RGS7: variants seen among roughly 807,000 people sequenced by gnomAD.
The protein encoded by RGS7 is regulator of G protein signaling 7.
In RGS7, 27 loss-of-function variants were observed where a neutral mutation model predicts 81.1. The ratio of observed to expected loss-of-function variants is 0.33; its 90% CI spans 0.25 to 0.46. The LOEUF is 0.46. Among genes scored for constraint, RGS7 ranks in the 20% least tolerant of loss-of-function variants. RGS7 has a pLI of 1.00. For synonymous variants in RGS7, 208 were observed against 207.7 expected, an observed-to-expected ratio of 1.00 and a Z score of -0.01; for missense variants, 396 against 607.4, an observed-to-expected ratio of 0.65 and a Z score of 3.66.
At chr1:240,823,127 G>T in intron 10 of RGS7, 1 of 1,154,272 alleles carries the variant, frequency 8.7e-7, no homozygotes, top group Admixed American at 1.7e-5. Context: ...TCTGGTCTGA[G>T]GTAGCCAACA....
intron 2 of RGS7, among the ~76,000 whole-genome samples, chr1:241,111,806 CTGAA>C (rs1411723840): frequency 1.3e-5 from 2 of 152,156 alleles, no homozygotes; most frequent in African/African-American, 4.8e-5. Context: ...GGAAATAAGA[CTGAA>C]TGTGCACTGT....
intron 2 of RGS7, among the ~76,000 whole-genome samples, chr1:241,299,820 TAAA>T (rs10716646): frequency 2.8e-5 from 4 of 143,324 alleles, no homozygotes; most frequent in Non-Finnish European, 1.5e-5. Context: ...ATTAGGCCTT[TAAA>T]AAAAAAAAAA....
At chr1:241,035,704 T>G (rs562361201) in intron 3 of RGS7, among the ~76,000 whole-genome samples, 1 of 152,234 alleles carries the variant, frequency 6.6e-6, no homozygotes, top group East Asian at 1.9e-4. Context: ...CTATCACCAT[T>G]ATCTCCAGCA....
At chr1:241,249,778 G>T (rs1487876175) in intron 2 of RGS7, among the ~76,000 whole-genome samples, 1 of 152,078 alleles carries the variant, frequency 6.6e-6, no homozygotes, top group African/African-American at 2.4e-5. Flanking sequence ...TATACACAAG[G>T]ATGCTTCTAG....
rs894155216 is a variant in RGS7 at position 241,182,191 on chromosome 1, G to A, written c.79-83429C>T. 3.3e-5 allele frequency among the ~76,000 whole-genome samples: 5 copies of A among 152,220 alleles called. No homozygotes were observed. In the South Asian group the frequency reaches 6.2e-4, roughly 19 times the overall value. On this transcript the variant is annotated intron_variant, in intron 2 of 18. Coordinates refer to ENST00000440928, the MANE Select transcript of RGS7 (RefSeq NM_001364886.1). ...AACTGGATCCCTGCCATCACCATGCGCAATAGGCACAGCTCAGCTACTGTC... is the reference window on the plus strand; with the variant it reads ...AACTGGATCCCTGCCATCACCATGCACAATAGGCACAGCTCAGCTACTGTC...
intron 3 of RGS7, among the ~76,000 whole-genome samples, chr1:241,046,762 C>T (rs2060951123): frequency 6.6e-6 from 1 of 152,088 alleles, no homozygotes; most frequent in Non-Finnish European, 1.5e-5. Context: ...AATTTGAATG[C>T]CATATATATC....
intron 2 of RGS7, among the ~76,000 whole-genome samples, chr1:241,209,458 T>C (rs1441906502): frequency 6.6e-6 from 1 of 152,212 alleles, no homozygotes; most frequent in Non-Finnish European, 1.5e-5. Context: ...TTACCATTAA[T>C]AATAGTAATT....
intron 2 of RGS7, among the ~76,000 whole-genome samples, chr1:241,201,270 T>C (rs1016560233): frequency 1.3e-5 from 2 of 152,234 alleles, no homozygotes; most frequent in African/African-American, 4.8e-5. Context: ...ATCTAATTTC[T>C]GCAATGCATC....
chr1:241,339,611 G>T (rs1332388062), intron 2 of RGS7, among the ~76,000 whole-genome samples: 4 of 152,170 alleles, frequency 2.6e-5, no homozygotes, highest in Admixed American at 2.6e-4. Context: ...CAGGTATGGT[G>T]ACCCTGTAAT....
At chr1:241,011,808 C>G (rs1251152620) in intron 3 of RGS7, among the ~76,000 whole-genome samples, 1 of 152,058 alleles carries the variant, frequency 6.6e-6, no homozygotes, top group Non-Finnish European at 1.5e-5. Context: ...GAAAATTAAT[C>G]CTATATCACA....
intron 2 of RGS7, among the ~76,000 whole-genome samples, chr1:241,255,616 T>C (rs12065665): frequency 0.54 from 81,630 of 152,038 alleles, 22,623 homozygotes; most frequent in East Asian, 0.78. Flanking sequence ...ACCATCCTGG[T>C]TGAAGCAGAC....
chr1:241,329,468 A>G lies in RGS7; in HGVS notation c.78+26231T>C, dbSNP rs186093882. Among the ~76,000 whole-genome samples the G allele has an allele frequency of 1.6e-3, 238 of 152,302 alleles. 13 individuals carry two copies. In the South Asian group the frequency reaches 0.043, roughly 28 times the overall value. ...GCCTGGGAGTCTTCAGAGATGGGATACCCATCACTAATATTAATATTGATG... is the reference window on the plus strand; with the variant it reads ...GCCTGGGAGTCTTCAGAGATGGGATGCCCATCACTAATATTAATATTGATG... On this transcript the variant is annotated intron_variant, in intron 2 of 18. Transcript: ENST00000440928.
At chr1:241,058,965 A>C (rs966133195) in intron 3 of RGS7, among the ~76,000 whole-genome samples, 3 of 152,276 alleles carry the variant, frequency 2.0e-5, no homozygotes, top group Admixed American at 2.0e-4. Context: ...GATGCCACTG[A>C]ATCTCTGCTT....
At chr1:241,250,004 ATGT>A (rs1463781813) in intron 2 of RGS7, among the ~76,000 whole-genome samples, 5 of 152,182 alleles carry the variant, frequency 3.3e-5, no homozygotes, top group Admixed American at 3.3e-4. Context: ...AACCAATCAC[ATGT>A]TGTTTGAGAA....
At chr1:241,142,556 A>G (rs1217855152) in intron 2 of RGS7, among the ~76,000 whole-genome samples, 2 of 152,196 alleles carry the variant, frequency 1.3e-5, no homozygotes, top group East Asian at 3.9e-4. Flanking sequence ...ACTGAGCTCT[A>G]CGTTGACCCC....
rs150671985 is a variant in RGS7, at chr1:240,955,721, T to C, written c.227-19015A>G. Among the ~76,000 whole-genome samples the C allele has an allele frequency of 3.7e-3, 566 of 152,272 alleles. 4 individuals carry two copies. The highest frequency in any genetic ancestry group is 0.012 in the African/African-American group (498 of 41,548). On this transcript the variant is annotated intron_variant, in intron 4 of 18. Coordinates refer to ENST00000440928, the MANE Select transcript of RGS7 (RefSeq NM_001364886.1). ...TCCAGGTATAGACCCACAGAGTCAA[T>C]TGATTTTAGACAAAGGAGCAGAAAC...
intron 2 of RGS7, among the ~76,000 whole-genome samples, chr1:241,177,644 C>T (rs942264217): frequency 1.2e-4 from 19 of 152,154 alleles, no homozygotes; most frequent in Non-Finnish European, 1.6e-4. Flanking sequence ...TTGGGTACTG[C>T]AGAAGTTTAG....
chr1:241,350,814 C>T (rs528084036), intron 2 of RGS7, among the ~76,000 whole-genome samples: 1 of 150,526 alleles, frequency 6.6e-6, no homozygotes, highest in Non-Finnish European at 1.5e-5. Flanking sequence ...GAAACATCGA[C>T]ACCCTCAGCG....
chr1:241,318,381 A>G (rs2081010775), intron 2 of RGS7, among the ~76,000 whole-genome samples: 3 of 152,172 alleles, frequency 2.0e-5, no homozygotes, highest in Non-Finnish European at 4.4e-5. Context: ...ATTTGACATC[A>G]TTTTAAAGTA....
Sources: gnomAD v4.1 joint callset for allele counts (sites outside exome capture counted in the v4.1 genomes callset) on GRCh38, gnomAD v4.1.1 for gene constraint, MANE v1.5 for transcripts, NCBI Gene and HGNC (gene_info 2026-07-23, HGNC 2026-07-21) for gene names.